Variants in CLSTN2 observed in about 807,000 individuals in gnomAD.
The protein encoded by CLSTN2 is calsyntenin-2.
In CLSTN2, 48 loss-of-function variants were observed where a neutral mutation model predicts 101.2. The ratio of observed to expected loss-of-function variants is 0.47; its 90% CI spans 0.38 to 0.60. CLSTN2 has a LOEUF of 0.60. Among genes scored for constraint, CLSTN2 ranks in the 20% least tolerant of loss-of-function variants. CLSTN2 has a pLI of 0.00. For missense variants in CLSTN2, 1,160 were observed against 1,238.2 expected (o/e 0.94, Z 0.95); for synonymous variants, 481 against 463.6 (o/e 1.04, Z -0.48).
At chr3:139,981,389 A>G (rs1216593373) in intron 1 of CLSTN2, among the ~76,000 whole-genome samples, 1 of 152,256 alleles carries the variant, frequency 6.6e-6, no homozygotes, top group African/African-American at 2.4e-5. Context: ...CACATAAAAT[A>G]GTATAAGTAT....
Position 140,356,454 on chromosome 3 carries a change from C to T in CLSTN2, c.233-47175C>T, listed in dbSNP as rs1418335503. ...GGTGACATGTTAGAAAACAATTATCCTTAATTAAAAAGAAAAATTCCAGGG... is the reference window on the plus strand; with the variant it reads ...GGTGACATGTTAGAAAACAATTATCTTTAATTAAAAAGAAAAATTCCAGGG... On this transcript the variant is annotated intron_variant, in intron 2 of 16. Coordinates refer to ENST00000458420, the MANE Select transcript of CLSTN2 (RefSeq NM_022131.3). 2.0e-5 allele frequency among the ~76,000 whole-genome samples: 3 copies of T among 152,002 alleles called. No homozygotes were observed. In the East Asian group the frequency reaches 5.8e-4, roughly 29 times the overall value.
chr3:140,469,412 C>G (rs1455207700), intron 8 of CLSTN2, among the ~76,000 whole-genome samples: 1 of 152,104 alleles, frequency 6.6e-6, no homozygotes, highest in Non-Finnish European at 1.5e-5. Context: ...ACTGAGCAAC[C>G]CAGAGACCCC....
intron 2 of CLSTN2, among the ~76,000 whole-genome samples, chr3:140,178,228 A>C (rs2010354141): frequency 6.6e-6 from 1 of 152,094 alleles, no homozygotes; most frequent in Non-Finnish European, 1.5e-5. Flanking sequence ...TAATGTACAG[A>C]CCACAATAGA....
At chr3:140,507,074 G>A (rs1934698329) in intron 8 of CLSTN2, 1 of 152,150 alleles carries the variant, frequency 6.6e-6, no homozygotes. Context: ...AACATCGGGG[G>A]TTGAGCCTCT....
At chr3:140,260,206 A>G (rs930860943) in intron 2 of CLSTN2, among the ~76,000 whole-genome samples, 4 of 150,550 alleles carry the variant, frequency 2.7e-5, no homozygotes, top group Non-Finnish European at 5.9e-5. Flanking sequence ...AATGTATTTT[A>G]TTTCTTTTCT....
chr3:140,216,073 G>A (rs2010916764), intron 2 of CLSTN2, among the ~76,000 whole-genome samples: 1 of 152,132 alleles, frequency 6.6e-6, no homozygotes, highest in Non-Finnish European at 1.5e-5. Flanking sequence ...GCCACTTCCT[G>A]CCAGATCAGC....
chr3:140,377,347 A>G (rs2087928234), intron 2 of CLSTN2, among the ~76,000 whole-genome samples: 1 of 152,224 alleles, frequency 6.6e-6, no homozygotes, highest in Admixed American at 6.5e-5. Context: ...TTGCTATTTC[A>G]GAGCATAGTC....
At chr3:139,959,692 A>G (rs1428712266) in intron 1 of CLSTN2, among the ~76,000 whole-genome samples, 2 of 152,122 alleles carry the variant, frequency 1.3e-5, no homozygotes, top group East Asian at 1.9e-4. Flanking sequence ...TCTCTAAACT[A>G]TTGGGTTCTG....
intron 1 of CLSTN2, among the ~76,000 whole-genome samples, chr3:139,980,196 T>G (rs1290997189): frequency 6.6e-6 from 1 of 152,042 alleles, no homozygotes; most frequent in Non-Finnish European, 1.5e-5. Flanking sequence ...TTCCCAGGCA[T>G]CTATGTTTCA....
chr3:140,563,043 C>T (rs746698691), intron 14 of CLSTN2, 37 bp from the exon 15 acceptor site: 1 of 1,613,186 alleles, frequency 6.2e-7, no homozygotes, highest in East Asian at 2.2e-5. Context: ...CCACCTGCCA[C>T]TCCTGGGTCA....
intron 1 of CLSTN2, among the ~76,000 whole-genome samples, chr3:140,045,144 T>C (rs1169409060): frequency 3.9e-5 from 6 of 152,204 alleles, no homozygotes; most frequent in Admixed American, 3.3e-4. Flanking sequence ...AATTCGGCTG[T>C]GAATCCGTCT....
At chr3:140,557,719 G>A (rs550075308) in intron 11 of CLSTN2, among the ~76,000 whole-genome samples, 6 of 152,278 alleles carry the variant, frequency 3.9e-5, no homozygotes, top group African/African-American at 1.4e-4. Flanking sequence ...AGGCATGTAA[G>A]GTGATGGCTG....
intron 4 of CLSTN2, among the ~76,000 whole-genome samples, chr3:140,418,465 G>A (rs1053433034): frequency 6.6e-6 from 1 of 151,232 alleles, no homozygotes; most frequent in African/African-American, 2.4e-5. Context: ...GTAGTCCAGA[G>A]AAGATAGCAG....
chr3:140,014,899 A>C (rs1367978864), intron 1 of CLSTN2, among the ~76,000 whole-genome samples: 1 of 152,248 alleles, frequency 6.6e-6, no homozygotes, highest in Non-Finnish European at 1.5e-5. Context: ...CTTAGATATG[A>C]AATGAGATCT....
intron 1 of CLSTN2, among the ~76,000 whole-genome samples, chr3:140,116,728 G>A (rs1031210396): frequency 6.6e-6 from 1 of 152,076 alleles, no homozygotes; most frequent in Admixed American, 6.5e-5. Flanking sequence ...TAAATTACCT[G>A]AGCACCAGCC....
intron 9 of CLSTN2, among the ~76,000 whole-genome samples, chr3:140,534,878 C>A (rs1266949194): frequency 6.6e-6 from 1 of 152,192 alleles, no homozygotes; most frequent in Non-Finnish European, 1.5e-5. Flanking sequence ...CTCTCTTTCC[C>A]ACGTAGAAAA....
At chr3:139,997,966 T>G (rs2006719709) in intron 1 of CLSTN2, among the ~76,000 whole-genome samples, 2 of 152,196 alleles carry the variant, frequency 1.3e-5, no homozygotes, top group South Asian at 4.1e-4. Context: ...CCTGGAGTTA[T>G]AGGGCACATG....
chr3:139,968,155 A>C (rs1935637083), intron 1 of CLSTN2, among the ~76,000 whole-genome samples: 1 of 152,206 alleles, frequency 6.6e-6, no homozygotes. Context: ...GTGTCCTTCT[A>C]GAATTTATCA....
At chr3:140,300,294 T>C (rs952494042) in intron 2 of CLSTN2, among the ~76,000 whole-genome samples, 1 of 152,226 alleles carries the variant, frequency 6.6e-6, no homozygotes, top group Non-Finnish European at 1.5e-5. Context: ...CAGGTCTTGC[T>C]GGTTCTTTGA....
Sources: allele counts gnomAD v4.1 joint callset (sites outside exome capture counted in the v4.1 genomes callset), GRCh38; gene constraint gnomAD v4.1.1; transcripts MANE v1.5; gene names NCBI Gene and HGNC (gene_info 2026-07-23, HGNC 2026-07-21).